OLFM3: variants seen among roughly 807,000 people sequenced by gnomAD.
OLFM3 encodes the protein noelin-3.
In OLFM3, 20 loss-of-function variants were observed where a neutral mutation model predicts 48.6. The ratio of observed to expected loss-of-function variants is 0.41; its 90% CI spans 0.29 to 0.60. The LOEUF (loss-of-function observed/expected upper bound fraction) is 0.60. Ranked by LOEUF, OLFM3 falls within the 20% of genes least tolerant of loss-of-function variation. The pLI is 0.28. For missense variants in OLFM3, 437 were observed against 544.3 expected (o/e 0.80, Z 1.96); for synonymous variants, 222 against 198.1 (o/e 1.12, Z -1.01).
At chr1:101,806,245 C>T (rs531083133) in intron 4 of OLFM3, 63 bp from the exon 5 acceptor site, 4 of 1,229,746 alleles carry the variant, frequency 3.3e-6, no homozygotes, top group South Asian at 2.4e-5. Context: ...TACGCATACT[C>T]ACACTAAGAG....
chr1:101,970,464 C>A (rs552843808), intron 1 of OLFM3, among the ~76,000 whole-genome samples: 3 of 152,340 alleles, frequency 2.0e-5, no homozygotes, highest in Non-Finnish European at 2.9e-5. Context: ...TGAATTAATT[C>A]TTTTCTTTCT....
intron 1 of OLFM3, among the ~76,000 whole-genome samples, chr1:101,858,867 T>C (rs949442031): frequency 3.3e-5 from 5 of 152,068 alleles, no homozygotes; most frequent in African/African-American, 1.2e-4. Context: ...TCTCAGGTAG[T>C]TCTTTATAGC....
intron 1 of OLFM3, among the ~76,000 whole-genome samples, chr1:101,859,323 G>A (rs1656555215): frequency 6.6e-6 from 1 of 152,058 alleles, no homozygotes; most frequent in East Asian, 1.9e-4. Context: ...TAGGGAGTGG[G>A]CGAGGAGTGA....
chr1:101,811,642 A>G (rs1654056251), intron 4 of OLFM3, among the ~76,000 whole-genome samples: 2 of 152,238 alleles, frequency 1.3e-5, no homozygotes, highest in South Asian at 4.1e-4. Context: ...ATGAGATACT[A>G]TCTCACAGCA....
intron 1 of OLFM3, among the ~76,000 whole-genome samples, chr1:101,878,687 C>T (rs1460883134): frequency 6.6e-6 from 1 of 151,856 alleles, no homozygotes; most frequent in Non-Finnish European, 1.5e-5. Flanking sequence ...CTGGGTCCAT[C>T]TTTTGAACAA....
intron 1 of OLFM3, among the ~76,000 whole-genome samples, chr1:101,884,535 A>G (rs1657668135): frequency 6.6e-6 from 1 of 152,018 alleles, no homozygotes; most frequent in Admixed American, 6.6e-5. Context: ...GCCACAAGGG[A>G]CATTTATTAG....
At chr1:101,917,860 T>A (rs1658974568) in intron 1 of OLFM3, among the ~76,000 whole-genome samples, 1 of 152,232 alleles carries the variant, frequency 6.6e-6, no homozygotes, top group Admixed American at 6.5e-5. Flanking sequence ...TCAAATAATG[T>A]ACTTTTCTTC....
At chr1:101,869,682 A>G (rs1656998679) in intron 1 of OLFM3, among the ~76,000 whole-genome samples, 1 of 152,122 alleles carries the variant, frequency 6.6e-6, no homozygotes, top group Non-Finnish European at 1.5e-5. Flanking sequence ...TTGAATTGTA[A>G]CTTTCATAAT....
At chr1:101,844,253 T>C (rs1174439390) in intron 1 of OLFM3, among the ~76,000 whole-genome samples, 3 of 152,166 alleles carry the variant, frequency 2.0e-5, no homozygotes, top group Non-Finnish European at 4.4e-5. Flanking sequence ...GGAATGGTTA[T>C]GACATAATTG....
chr1:101,836,664 G>T (rs1200475204), intron 2 of OLFM3, among the ~76,000 whole-genome samples: 2 of 151,834 alleles, frequency 1.3e-5, no homozygotes, highest in Non-Finnish European at 2.9e-5. Flanking sequence ...TCTTAAGGTG[G>T]CAAGGTTAGA....
intron 1 of OLFM3, among the ~76,000 whole-genome samples, chr1:101,838,822 C>T (rs1655567573): frequency 6.6e-6 from 1 of 152,196 alleles, no homozygotes; most frequent in African/African-American, 2.4e-5. Context: ...ACCAGGTTGA[C>T]TTCTTTCTCC....
chr1:101,968,103 C>T (rs1392053083), intron 1 of OLFM3, among the ~76,000 whole-genome samples: 1 of 152,186 alleles, frequency 6.6e-6, no homozygotes, highest in Non-Finnish European at 1.5e-5. Context: ...GGCAACAAAA[C>T]GAGTGGCTTA....
At position 101,811,046 on chromosome 1, in the gene OLFM3, A is replaced by G. The variant is rs190287647; in HGVS notation, c.593-4864T>C. On this transcript the variant is annotated intron_variant, in intron 4 of 5. Coordinates refer to ENST00000370103, the MANE Select transcript of OLFM3 (RefSeq NM_058170.4). Reference sequence around the variant, plus strand: ...AGTCTAAAACTTAAAAATATTTTAAAAATGTGAATGATTTTTATTATTATT... The same window carrying G: ...AGTCTAAAACTTAAAAATATTTTAAGAATGTGAATGATTTTTATTATTATT... Among the ~76,000 whole-genome samples, 100 of 152,058 alleles carry G rather than the reference A, an allele frequency of 6.6e-4. 5 individuals are homozygous for G. Among genetic ancestry groups the G allele is most frequent in the Admixed American group, 6.0e-3 (91 of 15,250 alleles).
Position 101,802,678 on chromosome 1 carries a change from T to C in OLFM3, c.*1560A>G, listed in dbSNP as rs1256268344. 6.6e-6 allele frequency: 1 copy of C among 151,678 alleles called. No homozygotes were observed. Among genetic ancestry groups the C allele is most frequent in the Non-Finnish European group, 1.5e-5 (1 of 67,722 alleles). The allele number at this position is 151,678 out of a possible 1,614,324, so 9.4% of individuals were successfully genotyped here. A position where few individuals can be genotyped will look rare whatever the true frequency, so the allele number is the denominator to read the frequency against. ...TGAATTACACTTAAATGTTAGGATT[T>C]CTTTACATGATGCTTTATCTAAATC... On this transcript the variant is annotated 3_prime_UTR_variant, in exon 6 of 6. Transcript: ENST00000370103.
Position 101,804,484 on chromosome 1 carries a change from A to G in OLFM3, c.1131T>C (p.Ser377=). The G allele has an allele frequency of 1.2e-6, 2 of 1,612,754 alleles. No individual in the cohort carries two copies. The highest frequency in any genetic ancestry group is 1.7e-6 in the Non-Finnish European group (2 of 1,179,146). Residue 377 remains serine, a synonymous_variant, in exon 6 of 6, where the codon TCT becomes TCC. Coordinates refer to ENST00000370103, the MANE Select transcript of OLFM3 (RefSeq NM_058170.4). The surrounding 1 kb of genome is among the most constrained non-coding windows in gnomAD (Gnocchi z 4.5). ...CATACAGTGTCCCACAGATCATGAAAGATTCCCCTGCACTTCTCTTGGGGT... is the reference window on the plus strand; with the variant it reads ...CATACAGTGTCCCACAGATCATGAAGGATTCCCCTGCACTTCTCTTGGGGT... ...TGYPKRSAGE[S]FMICGTLYVT... is the part of the protein sequence containing the mutation.
intron 1 of OLFM3, among the ~76,000 whole-genome samples, chr1:101,928,027 C>A (rs1391127610): frequency 6.6e-6 from 1 of 151,960 alleles, no homozygotes; most frequent in Non-Finnish European, 1.5e-5. Context: ...GGCTCTGTTT[C>A]TGTCTTGTTG....
At chr1:101,937,697 T>TA (rs1439115838) in intron 1 of OLFM3, among the ~76,000 whole-genome samples, 6 of 152,312 alleles carry the variant, frequency 3.9e-5, no homozygotes, top group Admixed American at 2.6e-4. Context: ...CAGTCTCAGG[T>TA]ATGCTTTTAA....
At chr1:101,893,246 T>TG (rs1347285651) in intron 1 of OLFM3, 8 of 287,800 alleles carry the variant, frequency 2.8e-5, no homozygotes, top group Non-Finnish European at 2.1e-5. Flanking sequence ...AAGACAGAGG[T>TG]GGGGAAAAAA....
intron 1 of OLFM3, among the ~76,000 whole-genome samples, chr1:101,867,000 C>G (rs1656885182): frequency 6.6e-6 from 1 of 152,182 alleles, no homozygotes; most frequent in African/African-American, 2.4e-5. Context: ...ACTTACTGGT[C>G]TGCACCTTTA....
Sources: gnomAD v4.1 joint callset for allele counts (sites outside exome capture counted in the v4.1 genomes callset) on GRCh38, gnomAD v4.1.1 for gene constraint, Gnocchi (gnomAD v3.1) non-coding constraint, MANE v1.5 for transcripts, NCBI Gene and HGNC (gene_info 2026-07-23, HGNC 2026-07-21) for gene names.